CNIH3: variants seen among roughly 807,000 people sequenced by gnomAD.
CNIH3 encodes the protein protein cornichon homolog 3.
In CNIH3, 14 loss-of-function variants were observed where a neutral mutation model predicts 24.1. That is an observed-to-expected ratio of 0.58 (90% CI 0.38 to 0.91). The LOEUF (loss-of-function observed/expected upper bound fraction) is 0.91. CNIH3 is among the 40% of genes least tolerant of loss of function. The probability of loss-of-function intolerance (pLI) is 0.00; values close to 1 mark genes in which losing one functional copy is unlikely to be tolerated. For synonymous variants in CNIH3, 68 were observed against 73.8 expected (o/e 0.92, Z 0.40); for missense variants, 178 against 196.8 (o/e 0.90, Z 0.57).
chr1:224,655,231 G>A (rs1316337831), intron 1 of CNIH3, among the ~76,000 whole-genome samples: 2 of 152,158 alleles, frequency 1.3e-5, no homozygotes. Flanking sequence ...GAGACACTGT[G>A]AAGCCACAGT....
intron 1 of CNIH3, among the ~76,000 whole-genome samples, chr1:224,454,593 G>A (rs1675569221): frequency 6.6e-6 from 1 of 152,176 alleles, no homozygotes; most frequent in South Asian, 2.1e-4. Context: ...GCCCTTATGG[G>A]AGGGATAATT....
At chr1:224,494,074 C>T (rs1478749237) in intron 1 of CNIH3, among the ~76,000 whole-genome samples, 4 of 152,176 alleles carry the variant, frequency 2.6e-5, no homozygotes, top group East Asian at 1.9e-4. Context: ...GTCTTTTAGC[C>T]TTAAAAGCCA....
At chr1:224,674,288 T>G (rs1168651162) in intron 1 of CNIH3, among the ~76,000 whole-genome samples, 8 of 86,120 alleles carry the variant, frequency 9.3e-5, no homozygotes, top group Admixed American at 2.1e-4. Context: ...TTTTTTTTTT[T>G]TTTTTTTTTT....
At chr1:224,465,456 G>T (rs1676116369) in intron 1 of CNIH3, among the ~76,000 whole-genome samples, 1 of 152,128 alleles carries the variant, frequency 6.6e-6, no homozygotes, top group African/African-American at 2.4e-5. Flanking sequence ...AAGTTATATT[G>T]TATCACTTCA....
At chr1:224,736,544 A>G (rs767386738) in intron 5 of CNIH3, among the ~76,000 whole-genome samples, 6 of 152,222 alleles carry the variant, frequency 3.9e-5, no homozygotes, top group Non-Finnish European at 5.9e-5. Context: ...ATAGCTACCT[A>G]TTCAAACTTT....
chr1:224,662,629 A>C (rs1222227128), intron 1 of CNIH3, among the ~76,000 whole-genome samples: 2 of 152,236 alleles, frequency 1.3e-5, no homozygotes, highest in African/African-American at 2.4e-5. Context: ...TTTAGGATTT[A>C]CTTAAGTCAC....
At chr1:224,452,813 G>T (rs1339981727) in intron 1 of CNIH3, among the ~76,000 whole-genome samples, 1 of 145,478 alleles carries the variant, frequency 6.9e-6, no homozygotes, top group Non-Finnish European at 1.5e-5. Flanking sequence ...GGGTTTCAGG[G>T]CCAAAAGAAG....
chr1:224,629,436 G>A (rs746705995), intron 1 of CNIH3, among the ~76,000 whole-genome samples: 53 of 152,132 alleles, frequency 3.5e-4, no homozygotes, highest in African/African-American at 8.2e-4. Context: ...ATGGGCCACG[G>A]CACTCATATT....
At chr1:224,712,392 G>A (rs915890293) in intron 3 of CNIH3, among the ~76,000 whole-genome samples, 1 of 152,170 alleles carries the variant, frequency 6.6e-6, no homozygotes, top group Non-Finnish European at 1.5e-5. Context: ...CCTGCTGTGT[G>A]TTGTGGGTAT....
At chr1:224,685,466 TG>T (rs2125150490) in intron 3 of CNIH3, among the ~76,000 whole-genome samples, 1 of 152,302 alleles carries the variant, frequency 6.6e-6, no homozygotes, top group East Asian at 1.9e-4. Context: ...GTGCCATAGC[TG>T]GGGGCCCCTG....
intron 1 of CNIH3, among the ~76,000 whole-genome samples, chr1:224,644,915 C>T (rs1251753542): frequency 3.9e-5 from 6 of 152,230 alleles, no homozygotes; most frequent in East Asian, 3.9e-4. Flanking sequence ...ACAGTGGCTT[C>T]TGTACTGCTA....
At chr1:224,642,733 A>G (rs1353523698) in intron 1 of CNIH3, among the ~76,000 whole-genome samples, 1 of 152,112 alleles carries the variant, frequency 6.6e-6, no homozygotes, top group Non-Finnish European at 1.5e-5. Flanking sequence ...ATTTAAGAGA[A>G]TGCTTTGCGT....
chr1:224,555,773 C>T (rs892782050), intron 3 of CNIH3, among the ~76,000 whole-genome samples: 5 of 151,544 alleles, frequency 3.3e-5, no homozygotes, highest in Non-Finnish European at 5.9e-5. Context: ...TGAGCTAATC[C>T]TTTTTTTTTC....
intron 1 of CNIH3, among the ~76,000 whole-genome samples, chr1:224,635,931 C>T (rs1046133573): frequency 6.6e-6 from 1 of 152,096 alleles, no homozygotes; most frequent in Admixed American, 6.5e-5. Flanking sequence ...CCACGTTGAT[C>T]TTGAACTCCT....
chr1:224,582,186 AT>A (rs1005776352), intron 4 of CNIH3, among the ~76,000 whole-genome samples: 1 of 152,136 alleles, frequency 6.6e-6, no homozygotes, highest in Non-Finnish European at 1.5e-5. Flanking sequence ...GGTTCCCTTC[AT>A]CCTTTCTTTG....
intron 5 of CNIH3, among the ~76,000 whole-genome samples, chr1:224,738,129 G>C (rs1256110471): frequency 6.6e-6 from 1 of 152,212 alleles, no homozygotes; most frequent in Non-Finnish European, 1.5e-5. Flanking sequence ...GTCCTGGCCC[G>C]TGCCTGGCAC....
intron 2 of CNIH3, among the ~76,000 whole-genome samples, chr1:224,532,516 C>G (rs1029362275): frequency 6.6e-6 from 1 of 152,254 alleles, no homozygotes; most frequent in African/African-American, 2.4e-5. Context: ...GATGGCGGCT[C>G]CCATCTGGGT....
intron 3 of CNIH3, among the ~76,000 whole-genome samples, chr1:224,707,868 A>G (rs948713955): frequency 6.6e-6 from 1 of 151,988 alleles, no homozygotes; most frequent in African/African-American, 2.4e-5. Context: ...CCTCATTGTT[A>G]TCTTGTTGTT....
At chr1:224,721,988 C>T (rs1178504575) in intron 3 of CNIH3, among the ~76,000 whole-genome samples, 3 of 152,086 alleles carry the variant, frequency 2.0e-5, no homozygotes, top group African/African-American at 7.2e-5. Context: ...GTGGGAAAGC[C>T]AGGAGCCAGA....
Sources: allele counts gnomAD v4.1 joint callset (sites outside exome capture counted in the v4.1 genomes callset), GRCh38; gene constraint gnomAD v4.1.1; transcripts MANE v1.5; gene names NCBI Gene and HGNC (gene_info 2026-07-23, HGNC 2026-07-21).